ZNF600: variants seen among roughly 807,000 people sequenced by gnomAD.
ZNF600 encodes zinc finger protein 600, also known as zinc finger protein KR-ZNF1.
In ZNF600, 4 loss-of-function variants were observed where a neutral mutation model predicts 7.3. The observed-to-expected ratio is 0.55, with a 90% confidence interval of 0.27 to 1.25. ZNF600 has a LOEUF of 1.25. ZNF600 is among the 50% of genes most tolerant of loss of function. ZNF600 has a pLI of 0.12. For synonymous variants in ZNF600, 290 were observed against 308.9 expected (o/e 0.94, Z 0.64); for missense variants, 911 against 922.1 (o/e 0.99, Z 0.16).
chr19:52,825,952 C>T, the ZNF600 span, among the ~76,000 whole-genome samples: 6 of 152,196 alleles, frequency 3.9e-5, no homozygotes, highest in Non-Finnish European at 5.9e-5. Context: ...TGCGCCACTG[C>T]GCTCCAGTCT....
chr19:52,786,890 G>A (rs898139483), upstream of ZNF600: 1 of 186,718 alleles, frequency 5.4e-6, no homozygotes, highest in South Asian at 7.2e-5. Flanking sequence ...GGGAGGGCCC[G>A]GGGCGGGACC....
the ZNF600 span, among the ~76,000 whole-genome samples, chr19:52,816,513 A>T: frequency 7.0e-6 from 1 of 143,708 alleles, no homozygotes; most frequent in African/African-American, 2.8e-5. Flanking sequence ...AAACACAAAA[A>T]ATTAGCTAGG....
intron 1 of ZNF600, among the ~76,000 whole-genome samples, chr19:52,783,982 A>G (rs2062744485): frequency 6.6e-6 from 1 of 152,174 alleles, no homozygotes; most frequent in South Asian, 2.1e-4. Flanking sequence ...AAGTATCACA[A>G]GAGAATCGCT....
chr19:52,824,174 CAAAAAACAA>C, the ZNF600 span, among the ~76,000 whole-genome samples: 1 of 151,596 alleles, frequency 6.6e-6, no homozygotes, highest in African/African-American at 2.4e-5. Flanking sequence ...CAAAACAAAA[CAAAAAACAA>C]AAAAAACACA....
chr19:52,817,381 T>A, the ZNF600 span, among the ~76,000 whole-genome samples: 3 of 152,160 alleles, frequency 2.0e-5, no homozygotes, highest in Non-Finnish European at 4.4e-5. Flanking sequence ...TCAAAAAAAA[T>A]AATAATAATG....
At chr19:52,789,536 C>T (rs1015268541), upstream of ZNF600, among the ~76,000 whole-genome samples, 2 of 152,182 alleles carry the variant, frequency 1.3e-5, no homozygotes, top group Non-Finnish European at 2.9e-5. Context: ...AGGGGCAACC[C>T]ACCTCTTCAC....
chr19:52,816,741 G>T, the ZNF600 span, among the ~76,000 whole-genome samples: 1 of 151,786 alleles, frequency 6.6e-6, no homozygotes, highest in African/African-American at 2.4e-5. Flanking sequence ...TTGAGACAGA[G>T]AATCGCTTCA....
intron 2 of ZNF600, among the ~76,000 whole-genome samples, chr19:52,776,017 ACC>A (rs2062672088): frequency 6.7e-6 from 1 of 148,818 alleles, no homozygotes; most frequent in African/African-American, 2.5e-5. Flanking sequence ...AAAAAAAAAA[ACC>A]AAAAACCAAA....
At chr19:52,767,770 T>C (rs760906212) in exon 4 of ZNF600, 2 of 1,556,842 alleles carry the variant, frequency 1.3e-6, no homozygotes, top group East Asian at 2.2e-5. Flanking sequence ...TTGGAAGAGA[T>C]ATCTACAAAA....
chr19:52,810,575 C>A, the ZNF600 span: 27,362 of 1,572,810 alleles, frequency 0.017, 520 homozygotes, highest in African/African-American at 0.062. Context: ...GGGTCTTCCA[C>A]GAGCCCGCTA....
At chr19:52,807,759 G>T in the ZNF600 span, 1 of 640,276 alleles carries the variant, frequency 1.6e-6, no homozygotes, top group Non-Finnish European at 2.5e-6. Flanking sequence ...ACAGGCGTGA[G>T]CCACCACGAC....
chr19:52,767,468 A>G, exon 4 of ZNF600: 1 of 1,614,182 alleles, frequency 6.2e-7, no homozygotes, highest in South Asian at 1.1e-5. Context: ...TGTGGAGTTC[A>G]GGCAGATGTG....
At chr19:52,798,562 G>A in the ZNF600 span, 1 of 500,358 alleles carries the variant, frequency 2.0e-6, no homozygotes, top group African/African-American at 2.0e-5. Flanking sequence ...CTATTGAGGT[G>A]TGAATGTGAA....
the ZNF600 span, among the ~76,000 whole-genome samples, chr19:52,802,409 GTGGC>G: frequency 3.9e-5 from 6 of 152,022 alleles, no homozygotes; most frequent in African/African-American, 1.5e-4. Flanking sequence ...GCAGGGCATG[GTGGC>G]TCATGCCTGT....
At chr19:52,812,368 G>T in the ZNF600 span, among the ~76,000 whole-genome samples, 3 of 140,560 alleles carry the variant, frequency 2.1e-5, no homozygotes, top group Non-Finnish European at 3.0e-5. Context: ...ATGATTGCCG[G>T]GTCTGTGTGG....
rs113957773 is a variant in ZNF600 at position 52,777,554 on chromosome 19, G to A, written c.63+1272C>T. 7.1e-3 allele frequency among the ~76,000 whole-genome samples: 1,080 copies of A among 151,946 alleles called. 8 individuals carry two copies. The highest frequency in any genetic ancestry group is 0.013 in the Non-Finnish European group (863 of 67,948). ...AAAATACGATATAAAAAATAAGGCC[G>A]GACACAGTGGTGCACACCTTTAATC... On this transcript the variant is annotated intron_variant, in intron 2 of 3. Coordinates refer to ENST00000648973, the Ensembl canonical transcript of ZNF600.
At chr19:52,808,248 C>T in the ZNF600 span, 19 of 1,518,804 alleles carry the variant, frequency 1.3e-5, no homozygotes, top group Admixed American at 6.6e-5. Context: ...CTCACAAATC[C>T]GAGTGACGGA....
At chr19:52,796,536 G>A in the ZNF600 span, among the ~76,000 whole-genome samples, 1 of 151,562 alleles carries the variant, frequency 6.6e-6, no homozygotes, top group Non-Finnish European at 1.5e-5. Flanking sequence ...GCATGATCAC[G>A]GCTCCCTGCA....
At chr19:52,769,989 A>G (rs2062618891) in intron 3 of ZNF600, among the ~76,000 whole-genome samples, 2 of 152,234 alleles carry the variant, frequency 1.3e-5, no homozygotes, top group African/African-American at 4.8e-5. Flanking sequence ...AAGTAAGTAC[A>G]TTTATACAGC....
Sources: gnomAD v4.1 joint callset for allele counts (sites outside exome capture counted in the v4.1 genomes callset) on GRCh38, gnomAD v4.1.1 for gene constraint, MANE v1.5 for transcripts, NCBI Gene and HGNC (gene_info 2026-07-23, HGNC 2026-07-21) for gene names.